VSTM5: variants seen among roughly 807,000 people sequenced by gnomAD.
VSTM5 encodes V-set and transmembrane domain-containing protein 5.
In VSTM5, 21 loss-of-function variants were observed where a neutral mutation model predicts 20.3. The observed-to-expected ratio is 1.03, with a 90% CI of 0.73 to 1.49. The LOEUF is 1.49. Among genes scored for constraint, VSTM5 ranks in the 40% most tolerant of loss-of-function variants. VSTM5 has a pLI of 0.00. For missense variants in VSTM5, 219 were observed against 250.0 expected (o/e 0.88, Z 0.84); for synonymous variants, 100 against 102.5 (o/e 0.98, Z 0.14).
At chr11:93,823,930 C>T (rs1331048747) in intron 1 of VSTM5, among the ~76,000 whole-genome samples, 1 of 147,666 alleles carries the variant, frequency 6.8e-6, no homozygotes, top group Non-Finnish European at 1.5e-5. Context: ...TTTTTTGAGA[C>T]AGAGTCTTAC....
chr11:93,836,943 C>T (rs115169147), intron 1 of VSTM5, among the ~76,000 whole-genome samples: 2,922 of 151,584 alleles, frequency 0.019, 95 homozygotes, highest in African/African-American at 0.066. Context: ...ACTTTGGACT[C>T]CACAGCCAGT....
intron 1 of VSTM5, among the ~76,000 whole-genome samples, chr11:93,829,031 T>A (rs1223067882): frequency 6.6e-6 from 1 of 152,122 alleles, no homozygotes; most frequent in Non-Finnish European, 1.5e-5. Context: ...CGATGACACA[T>A]GTAAGGCTCA....
intron 1 of VSTM5, among the ~76,000 whole-genome samples, chr11:93,828,360 A>G (rs1944254896): frequency 6.6e-6 from 1 of 152,236 alleles, no homozygotes; most frequent in African/African-American, 2.4e-5. Context: ...GGAAATAGTA[A>G]AAGTACTAGG....
chr11:93,840,872 G>A (rs625685), intron 1 of VSTM5, among the ~76,000 whole-genome samples: 111,282 of 152,050 alleles, frequency 0.73, 43,098 homozygotes, highest in South Asian at 0.86. Context: ...GGGCCCATTC[G>A]TGCTGACTTC....
At chr11:93,823,649 A>G (rs1042057811) in intron 1 of VSTM5, among the ~76,000 whole-genome samples, 4 of 152,144 alleles carry the variant, frequency 2.6e-5, no homozygotes, top group African/African-American at 9.7e-5. Context: ...TCCTATGTCT[A>G]GCTTATTTCA....
intron 1 of VSTM5, among the ~76,000 whole-genome samples, chr11:93,846,955 C>T (rs1185579195): frequency 1.3e-5 from 2 of 151,728 alleles, no homozygotes; most frequent in East Asian, 3.9e-4. Flanking sequence ...TTAGTAGAGA[C>T]GGGGTTTCAC....
intron 1 of VSTM5, among the ~76,000 whole-genome samples, chr11:93,826,663 C>T (rs988646349): frequency 3.3e-4 from 50 of 152,014 alleles, no homozygotes; most frequent in Non-Finnish European, 6.5e-4. Context: ...CCTCCCAAAG[C>T]GCTGGGATTA....
chr11:93,822,934 C>A (rs1347020265), intron 1 of VSTM5, among the ~76,000 whole-genome samples: 1 of 152,214 alleles, frequency 6.6e-6, no homozygotes, highest in Non-Finnish European at 1.5e-5. Flanking sequence ...TATATTATAA[C>A]TTCTGCGCAT....
chr11:93,839,173 G>T (rs970446540), intron 1 of VSTM5, among the ~76,000 whole-genome samples: 8 of 152,238 alleles, frequency 5.3e-5, no homozygotes, highest in Admixed American at 3.3e-4. Flanking sequence ...AACTTAGGAT[G>T]CGGGGCCTCT....
intron 1 of VSTM5, among the ~76,000 whole-genome samples, chr11:93,841,040 G>A (rs1944366371): frequency 6.6e-6 from 1 of 152,188 alleles, no homozygotes; most frequent in Non-Finnish European, 1.5e-5. Flanking sequence ...TAAACCAAAA[G>A]GAAAAACCCC....
intron 1 of VSTM5, among the ~76,000 whole-genome samples, chr11:93,834,917 C>T (rs1339000471): frequency 6.6e-6 from 1 of 151,866 alleles, no homozygotes; most frequent in Non-Finnish European, 1.5e-5. Flanking sequence ...ATGAACGAAC[C>T]CATTCATGGA....
chr11:93,829,579 T>C (rs1944265583), intron 1 of VSTM5, among the ~76,000 whole-genome samples: 2 of 152,120 alleles, frequency 1.3e-5, no homozygotes, highest in African/African-American at 4.8e-5. Context: ...AACTCCAAGA[T>C]ATACCACTGT....
intron 1 of VSTM5, among the ~76,000 whole-genome samples, chr11:93,837,787 G>A (rs1206246026): frequency 6.6e-6 from 1 of 152,084 alleles, no homozygotes; most frequent in South Asian, 2.1e-4. Flanking sequence ...AGAATCTTAG[G>A]ACTAATCAGA....
At position 93,833,341 on chromosome 11, in the gene VSTM5, G is replaced by A. The variant is rs147976065; in HGVS notation, c.92-12018C>T. Among the ~76,000 whole-genome samples the A allele has an allele frequency of 2.8e-3, 419 of 152,328 alleles. 2 individuals are homozygous for A. Among genetic ancestry groups the A allele is most frequent in the African/African-American group, 9.7e-3 (402 of 41,570 alleles). ...TGCCTGTAATCCCAGCACTTTGGGA[G>A]GCTGAGGCAGGCGGATCGCCTGAGC... On this transcript the variant is annotated intron_variant, in intron 1 of 3. Coordinates refer to ENST00000409977, the MANE Select transcript of VSTM5 (RefSeq NM_001144871.2).
chr11:93,831,452 T>C lies in VSTM5; in HGVS notation c.92-10129A>G, dbSNP rs1944284042. 1.3e-5 allele frequency among the ~76,000 whole-genome samples: 2 copies of C among 152,244 alleles called. 1 individual carries two copies. The highest frequency in any genetic ancestry group is 4.1e-4 in the South Asian group (2 of 4,834). On this transcript the variant is annotated intron_variant, in intron 1 of 3. Coordinates refer to ENST00000409977, the MANE Select transcript of VSTM5 (RefSeq NM_001144871.2). ...ACCTCCAAGTAATAGCTTTCCTGTT[T>C]AGTGGTGAAGAACAGTGCTGATAGC...
intron 1 of VSTM5, among the ~76,000 whole-genome samples, chr11:93,825,283 C>T (rs1944223354): frequency 6.6e-6 from 1 of 152,076 alleles, no homozygotes; most frequent in Non-Finnish European, 1.5e-5. Flanking sequence ...GATCCTCCCA[C>T]CTCAGCCTCC....
chr11:93,829,884 A>T (rs1347399434), intron 1 of VSTM5, among the ~76,000 whole-genome samples: 1 of 152,228 alleles, frequency 6.6e-6, no homozygotes, highest in East Asian at 1.9e-4. Context: ...CTGAGCAGAG[A>T]TTCAAAACCG....
At chr11:93,847,584 A>G (rs2135741658) in intron 1 of VSTM5, among the ~76,000 whole-genome samples, 1 of 152,394 alleles carries the variant, frequency 6.6e-6, no homozygotes, top group Middle Eastern at 3.4e-3. Flanking sequence ...ATTCTGGCCC[A>G]GGCCATTAAC....
chr11:93,848,515 CCTTTGT>C (rs1944431588), intron 1 of VSTM5, among the ~76,000 whole-genome samples: 1 of 152,176 alleles, frequency 6.6e-6, no homozygotes, highest in Admixed American at 6.5e-5. Flanking sequence ...CCCTGCATTC[CCTTTGT>C]CCTGTCCCCC....
Sources: allele counts gnomAD v4.1 joint callset (sites outside exome capture counted in the v4.1 genomes callset), GRCh38; gene constraint gnomAD v4.1.1; transcripts MANE v1.5; gene names NCBI Gene and HGNC (gene_info 2026-07-23, HGNC 2026-07-21).